Variants in SPOCK3 observed in about 807,000 individuals in gnomAD.
The protein encoded by SPOCK3 is SPARC (osteonectin), cwcv and kazal like domains proteoglycan 3.
A neutral mutation model predicts 56.6 loss-of-function variants in SPOCK3; 30 were observed. That is an observed-to-expected ratio of 0.53 (90% CI 0.40 to 0.72). The LOEUF is 0.72. SPOCK3 is among the 30% of genes least tolerant of loss of function. The pLI, the probability that SPOCK3 is intolerant of heterozygous loss-of-function variation, is 0.00. For synonymous variants in SPOCK3, 196 were observed against 183.3 expected (o/e 1.07, Z -0.56); for missense variants, 527 against 530.0 (o/e 0.99, Z 0.06).
chr4:167,073,292 T>C (rs77706826), intron 2 of SPOCK3, among the ~76,000 whole-genome samples: 1,844 of 151,892 alleles, frequency 0.012, 20 homozygotes, highest in Non-Finnish European at 0.018. Context: ...GTTAAATGCA[T>C]GTCCGTCTGA....
At chr4:167,190,177 A>AT (rs1732357367) in intron 2 of SPOCK3, among the ~76,000 whole-genome samples, 1 of 145,786 alleles carries the variant, frequency 6.9e-6, no homozygotes, top group African/African-American at 2.6e-5. Context: ...TCTGTTTTTA[A>AT]TTTTTTGTGG....
At chr4:166,833,040 C>T (rs1367809405) in intron 6 of SPOCK3, among the ~76,000 whole-genome samples, 2 of 152,016 alleles carry the variant, frequency 1.3e-5, no homozygotes, top group Non-Finnish European at 2.9e-5. Flanking sequence ...GCACATGTAC[C>T]CCTGAATCTA....
intron 2 of SPOCK3, among the ~76,000 whole-genome samples, chr4:167,174,117 A>G (rs1163454534): frequency 6.6e-6 from 1 of 152,154 alleles, no homozygotes; most frequent in East Asian, 1.9e-4. Flanking sequence ...TTATTTATGC[A>G]AGAACACATG....
intron 3 of SPOCK3, among the ~76,000 whole-genome samples, chr4:167,054,747 A>G (rs1754598984): frequency 6.6e-6 from 1 of 152,244 alleles, no homozygotes; most frequent in South Asian, 2.1e-4. Flanking sequence ...TGATTAAAAG[A>G]AACTTAAATG....
At chr4:166,997,111 G>A (rs570705819) in intron 4 of SPOCK3, among the ~76,000 whole-genome samples, 2 of 151,968 alleles carry the variant, frequency 1.3e-5, no homozygotes, top group Non-Finnish European at 2.9e-5. Context: ...GCTGAACGAT[G>A]AGAACACATT....
At chr4:167,157,436 T>G (rs944985450) in intron 2 of SPOCK3, among the ~76,000 whole-genome samples, 1 of 151,988 alleles carries the variant, frequency 6.6e-6, no homozygotes, top group African/African-American at 2.4e-5. Flanking sequence ...GAAATTTTCT[T>G]GACCAACTAT....
chr4:166,850,253 T>A (rs1434178319), intron 6 of SPOCK3, among the ~76,000 whole-genome samples: 1 of 152,238 alleles, frequency 6.6e-6, no homozygotes, highest in African/African-American at 2.4e-5. Flanking sequence ...CTTATTATTT[T>A]CTGTTTTTTG....
intron 5 of SPOCK3, among the ~76,000 whole-genome samples, chr4:166,892,355 T>A (rs919689336): frequency 6.6e-6 from 1 of 151,910 alleles, no homozygotes; most frequent in African/African-American, 2.4e-5. Context: ...CTATAAAGAA[T>A]AACAGAATCA....
intron 6 of SPOCK3, among the ~76,000 whole-genome samples, chr4:166,827,315 G>T (rs1745578715): frequency 6.6e-6 from 1 of 152,026 alleles, no homozygotes; most frequent in Middle Eastern, 3.2e-3. Flanking sequence ...CTGCCTTTTG[G>T]AAAGGAGATA....
intron 3 of SPOCK3, among the ~76,000 whole-genome samples, chr4:167,000,876 AC>A (rs902138230): frequency 1.3e-5 from 2 of 152,180 alleles, no homozygotes; most frequent in African/African-American, 4.8e-5. Context: ...AATAAAAGGG[AC>A]AAAATGAACA....
At chr4:167,119,647 G>C in intron 2 of SPOCK3, 1 of 524,690 alleles carries the variant, frequency 1.9e-6, no homozygotes, top group Non-Finnish European at 3.3e-6. Context: ...GCTGAGGGAT[G>C]ACATCAGTCA....
At chr4:166,783,587 AT>A (rs1406119654) in intron 7 of SPOCK3, among the ~76,000 whole-genome samples, 3 of 152,150 alleles carry the variant, frequency 2.0e-5, no homozygotes, top group Admixed American at 6.6e-5. Context: ...TTGCTGTGAT[AT>A]GTTGAAAATC....
intron 6 of SPOCK3, among the ~76,000 whole-genome samples, chr4:166,856,853 T>C (rs1409838533): frequency 6.6e-6 from 1 of 152,086 alleles, no homozygotes; most frequent in Non-Finnish European, 1.5e-5. Context: ...TAGATAGATA[T>C]GCAATCGACT....
At chr4:167,181,418 C>T (rs1731443366) in intron 2 of SPOCK3, among the ~76,000 whole-genome samples, 1 of 152,156 alleles carries the variant, frequency 6.6e-6, no homozygotes, top group Admixed American at 6.6e-5. Context: ...TTCTAACTTG[C>T]CTCCATGTTT....
intron 6 of SPOCK3, among the ~76,000 whole-genome samples, chr4:166,818,579 A>G (rs982136183): frequency 2.6e-5 from 4 of 151,976 alleles, no homozygotes; most frequent in Non-Finnish European, 5.9e-5. Flanking sequence ...TAAACTTAAA[A>G]CATCATATCT....
At chr4:166,892,849 T>C (rs1390143510) in intron 5 of SPOCK3, among the ~76,000 whole-genome samples, 2 of 151,826 alleles carry the variant, frequency 1.3e-5, no homozygotes, top group African/African-American at 2.4e-5. Context: ...TTGAAGAAAA[T>C]ATGATCATAT....
intron 2 of SPOCK3, among the ~76,000 whole-genome samples, chr4:167,073,902 A>G (rs189852398): frequency 1.3e-3 from 198 of 152,008 alleles, no homozygotes; most frequent in Non-Finnish European, 2.2e-3. Flanking sequence ...TCTCTTTAAA[A>G]TTATATAAAC....
intron 2 of SPOCK3, among the ~76,000 whole-genome samples, chr4:167,165,562 C>G (rs1411091256): frequency 6.6e-6 from 1 of 151,944 alleles, no homozygotes; most frequent in East Asian, 1.9e-4. Flanking sequence ...ATCACCAATT[C>G]TAAACAAGAA....
chr4:166,754,905 C>T (rs1736874844), intron 7 of SPOCK3, among the ~76,000 whole-genome samples, 176 bp from the exon 8 acceptor site: 1 of 151,976 alleles, frequency 6.6e-6, no homozygotes, highest in Non-Finnish European at 1.5e-5. Flanking sequence ...ATAGTAGTAT[C>T]TACATTTCAG....
Sources: allele counts gnomAD v4.1 joint callset (sites outside exome capture counted in the v4.1 genomes callset), GRCh38; gene constraint gnomAD v4.1.1; transcripts MANE v1.5; gene names NCBI Gene and HGNC (gene_info 2026-07-23, HGNC 2026-07-21).